NOX3: variants seen among roughly 807,000 people sequenced by gnomAD.
The protein encoded by NOX3 is NADPH oxidase catalytic subunit-like 3.
In NOX3, 74 loss-of-function variants were observed where a neutral mutation model predicts 76.7. The observed-to-expected ratio is 0.96, with a 90% CI of 0.80 to 1.17. NOX3 has a LOEUF of 1.17. Ranked by LOEUF, NOX3 falls within the 50% of genes most tolerant of loss-of-function variation. The probability of loss-of-function intolerance (pLI) is 0.00; values close to 1 mark genes in which losing one functional copy is unlikely to be tolerated. For synonymous variants in NOX3, 263 were observed against 261.1 expected (o/e 1.01, Z -0.07); for missense variants, 695 against 703.3 (o/e 0.99, Z 0.13).
In NOX3 at chr6:155,428,856, T is replaced by C; in HGVS notation, c.1083A>G (p.Ala361=). 1 of 1,607,666 alleles carries C rather than the reference T, an allele frequency of 6.2e-7. No homozygotes were observed. Among genetic ancestry groups the C allele is most frequent in the Non-Finnish European group, 8.5e-7 (1 of 1,175,504 alleles). ...VHIRAAGDWT[A]ALLEAFGAEG... is the part of the protein sequence containing the mutation. ...CTGCCCCAAAGGCCTCCAGTAGCGCTGCTGTCCAGTCTCCTGCTGCCCGGA... is the reference window on the plus strand; with the variant it reads ...CTGCCCCAAAGGCCTCCAGTAGCGCCGCTGTCCAGTCTCCTGCTGCCCGGA... Residue 361 remains alanine (A), a synonymous_variant, in exon 9 of 14, where the codon GCA becomes GCG. Coordinates refer to ENST00000159060, the MANE Select transcript of NOX3 (RefSeq NM_015718.3).
At chr6:155,455,437 C>G (rs1777201985) in intron 1 of NOX3, among the ~76,000 whole-genome samples, 1 of 152,190 alleles carries the variant, frequency 6.6e-6, no homozygotes, top group Admixed American at 6.5e-5. Context: ...AAAAACAACT[C>G]CGAGAGTTCT....
At chr6:155,398,005 A>G (rs1779162480) in intron 12 of NOX3, among the ~76,000 whole-genome samples, 1 of 152,194 alleles carries the variant, frequency 6.6e-6, no homozygotes, top group Non-Finnish European at 1.5e-5. Context: ...ACATCTGCAC[A>G]GGGTTTCAAA....
In NOX3 at chr6:155,429,087, A is replaced by G. The variant is rs755996697; in HGVS notation, c.892-40T>C. 3 of 1,457,066 alleles carry G rather than the reference A, an allele frequency of 2.1e-6. No homozygotes were observed. In the South Asian group the frequency reaches 4.8e-5, roughly 23 times the overall value. The allele number at this position is 1,457,066 out of a possible 1,614,324, so 90.3% of individuals were successfully genotyped here. A position where few individuals can be genotyped will look rare whatever the true frequency, so the allele number is the denominator to read the frequency against. On this transcript the variant is annotated intron_variant, in intron 8 of 13. Coordinates refer to ENST00000159060, the MANE Select transcript of NOX3 (RefSeq NM_015718.3). ...GAGAGTTGTTTGCCTTTGTCCTCGA[A>G]ATAATAAAGAAACACCTTTCATTCC...
chr6:155,398,933 C>G (rs1779175516), intron 12 of NOX3, among the ~76,000 whole-genome samples: 1 of 152,234 alleles, frequency 6.6e-6, no homozygotes, highest in African/African-American at 2.4e-5. Context: ...GAATGGCTAG[C>G]TTCCTGATAT....
At chr6:155,418,707 A>T (rs1171280845) in intron 10 of NOX3, among the ~76,000 whole-genome samples, 1 of 152,010 alleles carries the variant, frequency 6.6e-6, no homozygotes, top group Non-Finnish European at 1.5e-5. Context: ...CAGGCGCCTT[A>T]TTGGTTGTGC....
intron 10 of NOX3, among the ~76,000 whole-genome samples, chr6:155,413,312 G>A (rs1445443763): frequency 1.3e-5 from 2 of 152,120 alleles, no homozygotes; most frequent in African/African-American, 4.8e-5. Flanking sequence ...TGTGGCTGGA[G>A]CCCAGAGAGG....
At chr6:155,400,539 AG>A (rs1340999098) in intron 12 of NOX3, among the ~76,000 whole-genome samples, 4 of 152,076 alleles carry the variant, frequency 2.6e-5, no homozygotes, top group African/African-American at 9.7e-5. Context: ...CTTTCTAGTG[AG>A]TGTTTTTCAT....
At position 155,439,940 on chromosome 6, in the gene NOX3, C is replaced by A; in HGVS notation, c.668+16G>T. 1 of 1,603,174 alleles carries A rather than the reference C, an allele frequency of 6.2e-7. No individual in the cohort carries two copies. The highest frequency in any genetic ancestry group is 8.5e-7 in the Non-Finnish European group (1 of 1,175,464). ...CAGAGATAAAATCCTTGCAGAGGAG[C>A]GCAGTATGGACTTACCCCGTCCCAT... On this transcript the variant is annotated intron_variant, in intron 6 of 13. Transcript: ENST00000159060.
intron 12 of NOX3, among the ~76,000 whole-genome samples, chr6:155,406,798 C>A (rs1302309559): frequency 6.6e-6 from 1 of 152,168 alleles, no homozygotes. Flanking sequence ...AGATAGTGTA[C>A]AGTTGGACAG....
At chr6:155,453,680 T>C (rs1426443044) in intron 3 of NOX3, among the ~76,000 whole-genome samples, 192 bp from the exon 4 acceptor site, 1 of 152,172 alleles carries the variant, frequency 6.6e-6, no homozygotes, top group African/African-American at 2.4e-5. Context: ...AACTCTCAAC[T>C]CAAAAATGAT....
intron 4 of NOX3, among the ~76,000 whole-genome samples, chr6:155,447,180 G>T (rs76601871): frequency 0.12 from 18,461 of 151,964 alleles, 1,808 homozygotes; most frequent in East Asian, 0.48. Context: ...AAGTAGCTGG[G>T]ATTACAGGCA....
intron 4 of NOX3, among the ~76,000 whole-genome samples, chr6:155,449,160 A>T (rs1777102450): frequency 6.6e-6 from 1 of 151,892 alleles, no homozygotes; most frequent in East Asian, 1.9e-4. Context: ...TTTTCTGGGC[A>T]CCCTTATTCT....
intron 4 of NOX3, among the ~76,000 whole-genome samples, chr6:155,450,271 C>T (rs1225683627): frequency 6.6e-6 from 1 of 152,046 alleles, no homozygotes; most frequent in African/African-American, 2.4e-5. Context: ...AGAAAGAGCA[C>T]CCTGCTTTCT....
chr6:155,432,839 A>C (rs994279343), intron 7 of NOX3, among the ~76,000 whole-genome samples: 4 of 152,210 alleles, frequency 2.6e-5, no homozygotes, highest in African/African-American at 9.7e-5. Flanking sequence ...AGATGAACAG[A>C]GTAAGGGAAA....
chr6:155,447,506 A>G (rs1264720055), intron 4 of NOX3, among the ~76,000 whole-genome samples: 1 of 152,244 alleles, frequency 6.6e-6, no homozygotes, highest in Non-Finnish European at 1.5e-5. Flanking sequence ...CAGGTCTCCC[A>G]TAACAGAGCT....
chr6:155,437,612 A>T (rs372945975), intron 6 of NOX3, among the ~76,000 whole-genome samples: 118 of 152,346 alleles, frequency 7.7e-4, no homozygotes, highest in African/African-American at 2.7e-3. Context: ...TCTCCAATGT[A>T]CAAATGATGC....
chr6:155,402,881 T>A (rs1167208258), intron 12 of NOX3, among the ~76,000 whole-genome samples: 1 of 152,216 alleles, frequency 6.6e-6, no homozygotes, highest in Admixed American at 6.5e-5. Context: ...CTGAGGCCAC[T>A]AACAAATCCA....
chr6:155,401,887 A>G (rs1779234215), intron 12 of NOX3, among the ~76,000 whole-genome samples: 1 of 152,146 alleles, frequency 6.6e-6, no homozygotes, highest in African/African-American at 2.4e-5. Flanking sequence ...ATTAACAGAT[A>G]GGTCAAAAGT....
At chr6:155,423,191 G>T (rs1776713349) in intron 9 of NOX3, among the ~76,000 whole-genome samples, 2 of 152,160 alleles carry the variant, frequency 1.3e-5, no homozygotes, top group African/African-American at 4.8e-5. Flanking sequence ...CATTGAGGCT[G>T]CTGGAAGAGC....
Sources: allele counts gnomAD v4.1 joint callset (sites outside exome capture counted in the v4.1 genomes callset), GRCh38; gene constraint gnomAD v4.1.1; transcripts MANE v1.5; gene names NCBI Gene and HGNC (gene_info 2026-07-23, HGNC 2026-07-21).